The following WDFY1 variants were observed in gnomAD, a reference collection of about 807,000 sequenced individuals.
The protein encoded by WDFY1 is WD repeat and FYVE domain containing 1.
Under a neutral mutation model 56.4 loss-of-function variants are expected in WDFY1, and 32 were observed. That is an observed-to-expected ratio of 0.57 (90% CI 0.43 to 0.76). The LOEUF (loss-of-function observed/expected upper bound fraction) is 0.76. Among genes scored for constraint, WDFY1 ranks in the 30% least tolerant of loss-of-function variants. WDFY1 has a pLI of 0.00. For missense variants in WDFY1, 480 were observed against 545.7 expected (o/e 0.88, Z 1.20); for synonymous variants, 192 against 197.3 (o/e 0.97, Z 0.23).
chr2:223,890,887 A>C (rs902720334), intron 8 of WDFY1, among the ~76,000 whole-genome samples: 34 of 152,308 alleles, frequency 2.2e-4, no homozygotes, highest in African/African-American at 7.9e-4. Context: ...ACTTCCAAAA[A>C]AGGATCCCTT....
At chr2:223,887,520 C>A (rs999099976) in intron 8 of WDFY1, among the ~76,000 whole-genome samples, 5 of 152,168 alleles carry the variant, frequency 3.3e-5, no homozygotes, top group Admixed American at 2.6e-4. Flanking sequence ...TAATTTAGTG[C>A]ACAAAAACAT....
chr2:223,882,144 T>G (rs368911462), intron 9 of WDFY1, 72 bp from the exon 10 acceptor site: 37 of 1,521,600 alleles, frequency 2.4e-5, no homozygotes, highest in African/African-American at 1.9e-4. Flanking sequence ...AGACAGAGTC[T>G]CACTCTGTCA....
intron 8 of WDFY1, 98 bp downstream of exon 8, chr2:223,894,136 C>G: frequency 8.3e-7 from 1 of 1,202,524 alleles, no homozygotes. Flanking sequence ...CTGTCTGCAC[C>G]TGGACCAGCA....
intron 9 of WDFY1, among the ~76,000 whole-genome samples, chr2:223,884,000 C>T (rs1469300583): frequency 6.6e-6 from 1 of 151,372 alleles, no homozygotes; most frequent in African/African-American, 2.4e-5. Context: ...AGAGATGCAA[C>T]CAATAATAAA....
chr2:223,905,101 A>C (rs1022241068), intron 4 of WDFY1, among the ~76,000 whole-genome samples: 5 of 152,234 alleles, frequency 3.3e-5, no homozygotes, highest in Non-Finnish European at 7.3e-5. Flanking sequence ...ATCATTTTCA[A>C]ATTGAGAACT....
At chr2:223,915,227 T>C (rs574954072) in intron 2 of WDFY1, among the ~76,000 whole-genome samples, 9 of 152,212 alleles carry the variant, frequency 5.9e-5, no homozygotes, top group East Asian at 1.9e-4. Flanking sequence ...ACACTGAACA[T>C]GTGCAGATAC....
intron 1 of WDFY1, among the ~76,000 whole-genome samples, chr2:223,934,692 T>C (rs1185260770): frequency 6.6e-6 from 1 of 152,038 alleles, no homozygotes; most frequent in African/African-American, 2.4e-5. Flanking sequence ...GGCTAATCTT[T>C]GTATTTTTAG....
intron 10 of WDFY1, among the ~76,000 whole-genome samples, chr2:223,881,526 G>A (rs1337029474): frequency 5.3e-5 from 8 of 152,090 alleles, no homozygotes; most frequent in Admixed American, 2.6e-4. Context: ...ACGGTGGCTC[G>A]CGCCTGTAAT....
chr2:223,882,045 C>T lies in WDFY1; in HGVS notation c.961G>A (p.Val321Ile), dbSNP rs1204856999. ...QHHCRKCGQA[V>I]CGKCSSKRSS... is the part of the protein sequence containing the mutation. The stretch of plus-strand genomic sequence containing the variant: ...CGCTTGCTGCTGCACTTCCCGCAGA[C>T]AGCCTGCCCGCATTTCCTGCAGTGA... Residue 321 changes from valine (V) to isoleucine (I), a missense_variant, in exon 10 of 12, where the codon GTC becomes ATC. Val to Ile is a conservative substitution (Grantham distance 29). Transcript: ENST00000233055. The T allele has an allele frequency of 6.2e-7, 1 of 1,613,950 alleles. No homozygotes were observed. The highest frequency in any genetic ancestry group is 8.5e-7 in the Non-Finnish European group (1 of 1,179,890).
At chr2:223,932,508 T>C (rs1340673315) in intron 1 of WDFY1, among the ~76,000 whole-genome samples, 1 of 152,178 alleles carries the variant, frequency 6.6e-6, no homozygotes, top group Admixed American at 6.5e-5. Flanking sequence ...AAGTTCTACC[T>C]GGCCTGAAAC....
At chr2:223,921,179 C>T (rs1007006392) in intron 1 of WDFY1, among the ~76,000 whole-genome samples, 1 of 152,156 alleles carries the variant, frequency 6.6e-6, no homozygotes. Context: ...TCTGTACACA[C>T]TATTATATAT....
At chr2:223,887,284 AGTTC>A (rs1693188927) in intron 8 of WDFY1, among the ~76,000 whole-genome samples, 1 of 152,202 alleles carries the variant, frequency 6.6e-6, no homozygotes, top group Non-Finnish European at 1.5e-5. Context: ...GAAGAAGGAA[AGTTC>A]TTATGTCTGG....
rs571607483 is a variant in WDFY1 at position 223,942,643 on chromosome 2, C to T, written c.137+2505G>A. The stretch of plus-strand genomic sequence containing the variant: ...CTCCGCTTCCCGGGTTCACGCCATT[C>T]TCCTGCCTCAGCCTCCCCAGTAGCT... On this transcript the variant is annotated intron_variant, in intron 1 of 11. Transcript: ENST00000233055. Among the ~76,000 whole-genome samples the T allele has an allele frequency of 8.3e-3, 1,157 of 139,028 alleles. 18 individuals are homozygous for T. The highest frequency in any genetic ancestry group is 0.029 in the African/African-American group (1,074 of 37,268). The allele number at this position is 139,028 out of a possible 152,430, so 91.2% of individuals were successfully genotyped here. A position where few individuals can be genotyped will look rare whatever the true frequency, so the allele number is the denominator to read the frequency against.
At chr2:223,883,912 C>A (rs1298099234) in intron 9 of WDFY1, among the ~76,000 whole-genome samples, 1 of 152,186 alleles carries the variant, frequency 6.6e-6, no homozygotes, top group Non-Finnish European at 1.5e-5. Context: ...TCCCAAAGTG[C>A]AGGGATTACA....
chr2:223,937,732 G>T (rs1689221425), intron 1 of WDFY1, among the ~76,000 whole-genome samples: 3 of 152,194 alleles, frequency 2.0e-5, no homozygotes, highest in African/African-American at 7.2e-5. Flanking sequence ...GAGTAAATGT[G>T]TGGGGTGGCC....
intron 2 of WDFY1, among the ~76,000 whole-genome samples, chr2:223,914,083 G>A (rs960605427): frequency 4.0e-5 from 5 of 125,608 alleles, no homozygotes; most frequent in East Asian, 2.6e-4. Context: ...TGCAACCTCC[G>A]CCACTTGGGT....
At chr2:223,894,750 GCACACACAAA>G (rs1308956554) in intron 7 of WDFY1, among the ~76,000 whole-genome samples, 3 of 152,084 alleles carry the variant, frequency 2.0e-5, no homozygotes, top group African/African-American at 4.8e-5. Context: ...TCACTAGTGT[GCACACACAAA>G]CACACACAGA....
At chr2:223,901,149 A>G in intron 5 of WDFY1, 34 bp downstream of exon 5, 1 of 1,594,300 alleles carries the variant, frequency 6.3e-7, no homozygotes, top group Non-Finnish European at 8.6e-7. Flanking sequence ...AGCAGAGGCC[A>G]GGGGAAGGAG....
rs752516309 is a variant in WDFY1, at chr2:223,917,983, G to T, written c.165C>A (p.Asp55Glu). The change falls in exon 2 of 12, where the codon GAC becomes GAA. Residue 55 changes from aspartate (D) to glutamate (E), a missense_variant. Asp to Glu is a conservative substitution (Grantham distance 45). Coordinates refer to ENST00000233055, the MANE Select transcript of WDFY1 (RefSeq NM_020830.5). ...DRTIRVWLKR[D>E]SGQYWPSIYH... Reference sequence around the variant, plus strand: ...AAATGCTGGGCCAGTATTGACCACTGTCTCTTTTCAGCCATACCCGGATGG... The same window carrying T: ...AAATGCTGGGCCAGTATTGACCACTTTCTCTTTTCAGCCATACCCGGATGG... 2 of 1,614,132 alleles carry T rather than the reference G, an allele frequency of 1.2e-6. No individual in the cohort carries two copies. Among genetic ancestry groups the T allele is most frequent in the East Asian group, 2.2e-5 (1 of 44,886 alleles).
Sources: gnomAD v4.1 joint callset for allele counts (sites outside exome capture counted in the v4.1 genomes callset) on GRCh38, gnomAD v4.1.1 for gene constraint, MANE v1.5 for transcripts, NCBI Gene and HGNC (gene_info 2026-07-23, HGNC 2026-07-21) for gene names.